ETV1: variants seen among roughly 807,000 people sequenced by gnomAD.
ETV1 encodes ETS variant transcription factor 1, also known as ETS translocation variant 1.
Under a neutral mutation model 62.3 loss-of-function variants are expected in ETV1, and 27 were observed. The ratio of observed to expected loss-of-function variants is 0.43; its 90% CI spans 0.32 to 0.60. The LOEUF is 0.60. Among genes scored for constraint, ETV1 ranks in the 20% least tolerant of loss-of-function variants. ETV1 has a pLI of 0.06. For synonymous variants in ETV1, 222 were observed against 199.6 expected (o/e 1.11, Z -0.94); for missense variants, 605 against 605.8 (o/e 1.00, Z 0.01).
intron 9 of ETV1, among the ~76,000 whole-genome samples, chr7:13,923,717 G>A (rs1329480004): frequency 6.6e-6 from 1 of 152,052 alleles, no homozygotes; most frequent in African/African-American, 2.4e-5. Flanking sequence ...GGGGTTGTTG[G>A]GGTGAATAAT....
chr7:13,924,930 T>C (rs61225478), intron 9 of ETV1, among the ~76,000 whole-genome samples: 13,420 of 152,136 alleles, frequency 0.088, 1,033 homozygotes, highest in African/African-American at 0.21. Context: ...ACATTTGCTG[T>C]CAAAGAGTTA....
At chr7:13,906,754 A>G (rs559625230) in intron 11 of ETV1, among the ~76,000 whole-genome samples, 155 bp from the exon 12 acceptor site, 1 of 152,334 alleles carries the variant, frequency 6.6e-6, no homozygotes, top group South Asian at 2.1e-4. Context: ...GGAATTTAAA[A>G]TAGTTAAATG....
At chr7:13,905,757 T>C (rs767554839) in intron 12 of ETV1, among the ~76,000 whole-genome samples, 2 of 152,182 alleles carry the variant, frequency 1.3e-5, no homozygotes, top group African/African-American at 2.4e-5. Context: ...TTATGTGCTA[T>C]GGCAACATTT....
At chr7:13,949,158 AG>A (rs1435669145) in intron 6 of ETV1, among the ~76,000 whole-genome samples, 6 of 151,108 alleles carry the variant, frequency 4.0e-5, no homozygotes, top group Non-Finnish European at 8.8e-5. Context: ...TGGCTATAGC[AG>A]TGATTTAAAA....
In ETV1 at chr7:13,893,094, CTTAG is replaced by C. The variant is rs776533297; in HGVS notation, c.*2768_*2771del. The C allele has an allele frequency of 4.3e-6, 1 of 232,586 alleles. No individual in the cohort carries two copies. Among genetic ancestry groups the C allele is most frequent in the Non-Finnish European group, 8.5e-6 (1 of 117,728 alleles). 14.4% of individuals were successfully genotyped at this position (232,586 alleles called of 1,614,324 possible). A position where few individuals can be genotyped will look rare whatever the true frequency, so the allele number is the denominator to read the frequency against. On this transcript the variant is annotated 3_prime_UTR_variant, in exon 14 of 14. Transcript: ENST00000430479. ...GACATAACAAGAAAAATTATTTTTA[CTTAG>C]TTATTTGAGTATAAGTGTTTGTTGC...
chr7:13,959,681 C>T (rs964609111), intron 6 of ETV1, among the ~76,000 whole-genome samples: 5 of 151,756 alleles, frequency 3.3e-5, no homozygotes, highest in South Asian at 2.1e-4. Context: ...GTCAGGAGTT[C>T]GAGACCAGCC....
At chr7:13,948,977 A>C (rs529145086) in intron 6 of ETV1, among the ~76,000 whole-genome samples, 3 of 152,200 alleles carry the variant, frequency 2.0e-5, no homozygotes, top group Non-Finnish European at 4.4e-5. Context: ...CACAAAATTG[A>C]GACTAAAACT....
chr7:13,930,010 G>A (rs963033963), intron 9 of ETV1, among the ~76,000 whole-genome samples: 2 of 152,048 alleles, frequency 1.3e-5, no homozygotes, highest in Non-Finnish European at 2.9e-5. Flanking sequence ...AGCAGAGGAC[G>A]CAATACTCCC....
In ETV1 at chr7:13,894,110, A is replaced by G. The variant is rs940796095; in HGVS notation, c.*1756T>C. ...TTAAACAATCTTTTTCATGCTCATC[A>G]CGAAATGCTTTTACAATAGGTTTAT... is the stretch of plus-strand genomic sequence containing the variant. On this transcript the variant is annotated 3_prime_UTR_variant, in exon 14 of 14. Coordinates refer to ENST00000430479, the MANE Select transcript of ETV1 (RefSeq NM_004956.5). 4.3e-6 allele frequency: 1 copy of G among 232,310 alleles called. No homozygotes were observed. The highest frequency in any genetic ancestry group is 8.5e-6 in the Non-Finnish European group (1 of 117,792). The allele number at this position is 232,310 out of a possible 1,614,324, so 14.4% of individuals were successfully genotyped here.
At chr7:13,945,068 G>A (rs1216584104) in intron 6 of ETV1, among the ~76,000 whole-genome samples, 1 of 151,690 alleles carries the variant, frequency 6.6e-6, no homozygotes, top group African/African-American at 2.4e-5. Context: ...CCAGAACTGT[G>A]AAACAAATTT....
intron 6 of ETV1, among the ~76,000 whole-genome samples, chr7:13,948,019 C>T (rs10486064): frequency 0.094 from 14,315 of 152,206 alleles, 868 homozygotes; most frequent in Non-Finnish European, 0.13. Flanking sequence ...ATTCTTGGCA[C>T]GTGTATCTAA....
intron 9 of ETV1, among the ~76,000 whole-genome samples, chr7:13,917,902 T>C (rs572152917): frequency 2.0e-5 from 3 of 151,770 alleles, no homozygotes; most frequent in Non-Finnish European, 4.4e-5. Context: ...AGGCGGAGCT[T>C]GCAGTGAGCC....
chr7:13,905,502 T>C (rs2237295), intron 12 of ETV1, among the ~76,000 whole-genome samples: 62,020 of 151,926 alleles, frequency 0.41, 12,910 homozygotes, highest in South Asian at 0.49. Context: ...AATTTGATAT[T>C]AACTTCACCT....
chr7:13,916,947 AAAAGTAAAGT>A (rs1340224639), intron 9 of ETV1, among the ~76,000 whole-genome samples: 1 of 151,964 alleles, frequency 6.6e-6, no homozygotes, highest in East Asian at 1.9e-4. Flanking sequence ...AAAAAAAAGT[AAAAGTAAAGT>A]AAAGAAAGAA....
chr7:13,969,095 T>C (rs1232167740), intron 6 of ETV1, among the ~76,000 whole-genome samples: 1 of 152,188 alleles, frequency 6.6e-6, no homozygotes, highest in Non-Finnish European at 1.5e-5. Context: ...GAACATCTAA[T>C]GACAAGAATT....
chr7:13,982,763 T>C (rs1782125130), intron 5 of ETV1, among the ~76,000 whole-genome samples: 1 of 152,020 alleles, frequency 6.6e-6, no homozygotes. Context: ...TTAATCCTTA[T>C]TGCACCAAGT....
rs953059531 is a variant in ETV1, at chr7:13,936,589, T to C, written c.366-693A>G. 7.9e-5 allele frequency among the ~76,000 whole-genome samples: 12 copies of C among 152,186 alleles called. No homozygotes were observed. The South Asian group carries it at 1.9e-3, about 24-fold the overall frequency. ...TAAACACAGTTACAGAAGAATAAAA[T>C]GAGTAAGCTTGATTTTACATTATGA... On this transcript the variant is annotated intron_variant, in intron 7 of 13. Transcript: ENST00000430479.
At chr7:13,967,373 G>A (rs1177092095) in intron 6 of ETV1, among the ~76,000 whole-genome samples, 2 of 151,982 alleles carry the variant, frequency 1.3e-5, no homozygotes, top group African/African-American at 2.4e-5. Flanking sequence ...CTAAACTCTA[G>A]ATTTACAAAA....
chr7:13,909,789 T>C (rs954744262), intron 10 of ETV1, 89 bp from the exon 11 acceptor site: 4 of 1,157,538 alleles, frequency 3.5e-6, no homozygotes, highest in East Asian at 2.3e-5. Context: ...AAAATTGTGA[T>C]AGAAAATGAC....
Sources: allele counts gnomAD v4.1 joint callset (sites outside exome capture counted in the v4.1 genomes callset), GRCh38; gene constraint gnomAD v4.1.1; transcripts MANE v1.5; gene names NCBI Gene and HGNC (gene_info 2026-07-23, HGNC 2026-07-21).